INPP4B: variants seen among roughly 807,000 people sequenced by gnomAD.
INPP4B encodes inositol polyphosphate 4-phosphatase type II.
Under a neutral mutation model 122.5 loss-of-function variants are expected in INPP4B, and 55 were observed. The ratio of observed to expected loss-of-function variants is 0.45; its 90% confidence interval spans 0.36 to 0.56. The LOEUF (loss-of-function observed/expected upper bound fraction) is 0.56, where lower values mean the gene tolerates loss of function less well. INPP4B is among the 20% of genes least tolerant of loss of function. INPP4B has a pLI of 0.00. For synonymous variants in INPP4B, 403 were observed against 388.7 expected (o/e 1.04, Z -0.43); for missense variants, 1,000 against 1,097.7 (o/e 0.91, Z 1.26).
At chr4:142,803,750 C>T (rs1245720701) in intron 1 of INPP4B, among the ~76,000 whole-genome samples, 2 of 151,382 alleles carry the variant, frequency 1.3e-5, no homozygotes, top group Non-Finnish European at 2.9e-5. Context: ...TCAGTGAAAA[C>T]ACAAACCATC....
chr4:142,253,711 C>T (rs572756202), intron 11 of INPP4B, among the ~76,000 whole-genome samples: 4 of 152,228 alleles, frequency 2.6e-5, no homozygotes, highest in Admixed American at 1.3e-4. Flanking sequence ...CCTACGCCCA[C>T]GGAGTCTGGC....
intron 1 of INPP4B, among the ~76,000 whole-genome samples, chr4:142,782,917 G>T (rs1016863320): frequency 9.9e-5 from 15 of 151,570 alleles, no homozygotes; most frequent in Non-Finnish European, 2.2e-4. Flanking sequence ...ATGGGGAAAG[G>T]ATTCCCTATT....
At chr4:142,340,106 C>A (rs548959226) in intron 7 of INPP4B, among the ~76,000 whole-genome samples, 1 of 152,034 alleles carries the variant, frequency 6.6e-6, no homozygotes, top group Non-Finnish European at 1.5e-5. Context: ...CCACTAAAAG[C>A]ACATCGCATG....
intron 2 of INPP4B, among the ~76,000 whole-genome samples, chr4:142,570,520 CCCT>C (rs1239529951): frequency 6.6e-6 from 1 of 151,704 alleles, no homozygotes; most frequent in East Asian, 1.9e-4. Context: ...GGAGATAATA[CCCT>C]ACAATTGACT....
At chr4:142,191,328 A>C (rs1055767045) in intron 15 of INPP4B, among the ~76,000 whole-genome samples, 1 of 152,162 alleles carries the variant, frequency 6.6e-6, no homozygotes, top group African/African-American at 2.4e-5. Flanking sequence ...GGGAAAGCCA[A>C]AGAACCTGGA....
intron 1 of INPP4B, among the ~76,000 whole-genome samples, chr4:142,796,490 T>C (rs6819498): frequency 0.45 from 68,420 of 151,728 alleles, 17,077 homozygotes; most frequent in African/African-American, 0.67. Context: ...CTAAAGTCAG[T>C]AGACACGGTT....
intron 1 of INPP4B, among the ~76,000 whole-genome samples, chr4:142,745,886 T>G (rs757422253): frequency 1.3e-5 from 2 of 151,866 alleles, no homozygotes; most frequent in Non-Finnish European, 2.9e-5. Context: ...ATGACAATCT[T>G]AAATATGTAT....
chr4:142,538,064 C>A (rs1289210307), intron 2 of INPP4B, among the ~76,000 whole-genome samples: 1 of 152,042 alleles, frequency 6.6e-6, no homozygotes, highest in Non-Finnish European at 1.5e-5. Flanking sequence ...TTACCTAGAC[C>A]TGAGGATTTT....
At chr4:142,810,390 G>C (rs1359047785) in intron 1 of INPP4B, among the ~76,000 whole-genome samples, 1 of 152,120 alleles carries the variant, frequency 6.6e-6, no homozygotes, top group African/African-American at 2.4e-5. Flanking sequence ...CATCCACACA[G>C]AGTTTAGAAT....
rs1007093901 is a variant in INPP4B at position 142,523,871 on chromosome 4, T to G, written c.-190-61145A>C. On this transcript the variant is annotated intron_variant, in intron 2 of 25. Coordinates refer to ENST00000262992, the MANE Select transcript of INPP4B (RefSeq NM_001101669.3). ...CCCTTCCTGAGTCCATGTGATCTCA[T>G]TGTTCAATTCCCACCTATGAGTGAG... 2.4e-3 allele frequency among the ~76,000 whole-genome samples: 345 copies of G among 140,982 alleles called. 1 individual carries two copies. The highest frequency in any genetic ancestry group is 8.8e-3 in the African/African-American group (334 of 37,758). 92.5% of individuals were successfully genotyped at this position (140,982 alleles called of 152,430 possible).
intron 7 of INPP4B, among the ~76,000 whole-genome samples, chr4:142,373,045 C>A (rs1790489304): frequency 6.6e-6 from 1 of 152,022 alleles, no homozygotes; most frequent in Admixed American, 6.6e-5. Context: ...TAAACTGAAT[C>A]ATTTATATTC....
chr4:142,695,585 A>G (rs1348242734), intron 2 of INPP4B, among the ~76,000 whole-genome samples: 1 of 152,176 alleles, frequency 6.6e-6, no homozygotes, highest in Non-Finnish European at 1.5e-5. Context: ...CTATGCATAA[A>G]TTTATGATGA....
At chr4:142,791,886 TA>T (rs1244764631) in intron 1 of INPP4B, among the ~76,000 whole-genome samples, 1 of 152,040 alleles carries the variant, frequency 6.6e-6, no homozygotes, top group Non-Finnish European at 1.5e-5. Context: ...GATGTTCTCA[TA>T]TTGCATTGCA....
intron 18 of INPP4B, among the ~76,000 whole-genome samples, chr4:142,126,132 G>A (rs1429109206): frequency 6.6e-6 from 1 of 152,100 alleles, no homozygotes; most frequent in Non-Finnish European, 1.5e-5. Context: ...CCTGGCAAAT[G>A]TTAACTATCA....
chr4:142,733,568 C>A (rs1766399153), intron 1 of INPP4B, among the ~76,000 whole-genome samples: 1 of 151,794 alleles, frequency 6.6e-6, no homozygotes, highest in Non-Finnish European at 1.5e-5. Context: ...GCTAAAATTA[C>A]AATGAGATGT....
At chr4:142,267,407 C>A (rs1743340511) in intron 10 of INPP4B, among the ~76,000 whole-genome samples, 1 of 152,154 alleles carries the variant, frequency 6.6e-6, no homozygotes, top group Admixed American at 6.6e-5. Flanking sequence ...ATGAATAAAT[C>A]TACACATATA....
intron 7 of INPP4B, among the ~76,000 whole-genome samples, chr4:142,323,432 G>A (rs578085679): frequency 4.0e-5 from 6 of 150,876 alleles, no homozygotes; most frequent in Admixed American, 2.7e-4. Context: ...TCATTATTAC[G>A]GTTATGATGA....
chr4:142,276,170 C>A (rs529285110), intron 9 of INPP4B, among the ~76,000 whole-genome samples: 2 of 151,960 alleles, frequency 1.3e-5, no homozygotes, highest in African/African-American at 4.8e-5. Context: ...TTTATTACTT[C>A]TCCTGTGTTA....
chr4:142,370,887 C>T (rs1051503288), intron 7 of INPP4B, among the ~76,000 whole-genome samples: 3 of 152,026 alleles, frequency 2.0e-5, no homozygotes, highest in African/African-American at 7.2e-5. Flanking sequence ...AATGCAACCC[C>T]TATCAAAATA....
Sources: gnomAD v4.1 joint callset for allele counts (sites outside exome capture counted in the v4.1 genomes callset) on GRCh38, gnomAD v4.1.1 for gene constraint, MANE v1.5 for transcripts, NCBI Gene and HGNC (gene_info 2026-07-23, HGNC 2026-07-21) for gene names.